Variants in PECAM1 observed in about 807,000 individuals in gnomAD.
PECAM1 encodes platelet endothelial cell adhesion molecule.
In PECAM1, 8 loss-of-function variants were observed where a neutral mutation model predicts 13.8. The observed-to-expected ratio is 0.58, with a 90% CI of 0.34 to 1.05. The LOEUF (loss-of-function observed/expected upper bound fraction) is 1.05, where lower values mean the gene tolerates loss of function less well. Ranked by LOEUF, PECAM1 falls within the 50% of genes least tolerant of loss-of-function variation. The pLI, the probability that PECAM1 is intolerant of heterozygous loss-of-function variation, is 0.03. For synonymous variants in PECAM1, 136 were observed against 52.6 expected (o/e 2.58, Z -6.86); for missense variants, 304 against 141.2 (o/e 2.15, Z -5.84).
At chr17:64,377,786 C>T in intron 3 of PECAM1, 38 bp downstream of exon 3, 1 of 474,590 alleles carries the variant, frequency 2.1e-6, no homozygotes, top group Non-Finnish European at 3.9e-6. Flanking sequence ...GTGTGCTATG[C>T]TCCATCTGCT....
intron 14 of PECAM1, among the ~76,000 whole-genome samples, chr17:64,333,576 G>A (rs2035185474): frequency 6.6e-6 from 1 of 152,032 alleles, no homozygotes; most frequent in South Asian, 2.1e-4. Flanking sequence ...AACCAAAAGT[G>A]TAGTACTTAG....
chr17:64,374,079 C>T (rs2036302627), intron 4 of PECAM1, among the ~76,000 whole-genome samples: 1 of 152,284 alleles, frequency 6.6e-6, no homozygotes, highest in East Asian at 1.9e-4. Context: ...CCCCTCTTTC[C>T]TCCCGATCCC....
At chr17:64,371,173 GT>G (rs1179841173) in intron 4 of PECAM1, among the ~76,000 whole-genome samples, 2 of 152,042 alleles carry the variant, frequency 1.3e-5, no homozygotes, top group African/African-American at 4.8e-5. Flanking sequence ...ACATGGGTGT[GT>G]TTTTTTCCTT....
chr17:64,322,994 A>C lies in PECAM1; in HGVS notation c.*822T>G. 1 of 966,088 alleles carries C rather than the reference A, an allele frequency of 1.0e-6. No individual in the cohort carries two copies. Among genetic ancestry groups the C allele is most frequent in the Non-Finnish European group, 1.2e-6 (1 of 812,150 alleles). 59.8% of individuals were successfully genotyped at this position (966,088 alleles called of 1,614,324 possible). On this transcript the variant is annotated 3_prime_UTR_variant, in exon 16 of 16. Coordinates refer to ENST00000563924, the MANE Select transcript of PECAM1 (RefSeq NM_000442.5). The stretch of plus-strand genomic sequence containing the variant: ...AGTGCTGGGATTACAGGCGTGAGCC[A>C]CCTTGCCTGCCCTGGCAAGGAATAC...
intron 2 of PECAM1, among the ~76,000 whole-genome samples, chr17:64,386,414 A>AG (rs2036595136): frequency 6.6e-6 from 1 of 151,266 alleles, no homozygotes; most frequent in Non-Finnish European, 1.5e-5. Flanking sequence ...AAAAAAAAAA[A>AG]AAAAAGAAAA....
intron 14 of PECAM1, among the ~76,000 whole-genome samples, chr17:64,336,711 A>C (rs2035285341): frequency 6.6e-6 from 1 of 152,114 alleles, no homozygotes; most frequent in Admixed American, 6.5e-5. Context: ...ATGGCGAATT[A>C]GCTGGGCATG....
rs2036204391 is a variant in PECAM1 at position 64,370,000 on chromosome 17, G to A, written c.717C>T (p.His239=). 5.0e-6 allele frequency: 2 copies of A among 398,516 alleles called. No individual in the cohort carries two copies. Among genetic ancestry groups the A allele is most frequent in the Non-Finnish European group, 8.8e-6 (2 of 226,096 alleles). The allele number at this position is 398,516 out of a possible 1,614,324, so 24.7% of individuals were successfully genotyped here. ...CCATGATCATTCCGGTGGGGCTGAT[G>A]TGGAACTTGGGTGTAGAGAAGGATT... ...VTESFSTPKF[H]ISPTGMIMEG... The change falls in exon 5 of 16, where the codon CAC becomes CAT. Residue 239 remains histidine, a synonymous_variant. Transcript: ENST00000563924.
intron 13 of PECAM1, among the ~76,000 whole-genome samples, chr17:64,343,761 C>G (rs1053033815): frequency 6.6e-6 from 1 of 152,212 alleles, no homozygotes; most frequent in Non-Finnish European, 1.5e-5. Flanking sequence ...GGGCACCACA[C>G]TGCTGGGACA....
rs1012744509 is a variant in PECAM1, at chr17:64,357,608, G to A, written c.1493-1210C>T. 4.0e-4 allele frequency among the ~76,000 whole-genome samples: 61 copies of A among 152,260 alleles called. 1 individual carries two copies. In the East Asian group the frequency reaches 0.01, roughly 26 times the overall value. On this transcript the variant is annotated intron_variant, in intron 7 of 15. Transcript: ENST00000563924. ...AGACAATGGAAGAAGCCAAGCTCCG[G>A]GCCTGGGACACCAGTGGGCTCAAAT...
At chr17:64,385,690 A>G (rs1378588955) in intron 2 of PECAM1, among the ~76,000 whole-genome samples, 4 of 152,172 alleles carry the variant, frequency 2.6e-5, no homozygotes, top group African/African-American at 4.8e-5. Context: ...GACTCCAGTG[A>G]TATCAGTAAG....
In PECAM1 at chr17:64,342,888, T is replaced by C. The variant is rs1048675476; in HGVS notation, c.2108-1198A>G. Among the ~76,000 whole-genome samples, 83 of 152,178 alleles carry C rather than the reference T, an allele frequency of 5.5e-4. 1 individual carries two copies. The highest frequency in any genetic ancestry group is 2.0e-3 in the African/African-American group (81 of 41,500). Reference sequence around the variant, plus strand: ...ATACCCTCATACAGTGTGTAGGATGTGTCTACACACATTGTATACACACTG... The same window carrying C: ...ATACCCTCATACAGTGTGTAGGATGCGTCTACACACATTGTATACACACTG... On this transcript the variant is annotated intron_variant, in intron 13 of 15. Transcript: ENST00000563924.
intron 2 of PECAM1, among the ~76,000 whole-genome samples, chr17:64,389,724 C>T (rs2036674660): frequency 6.6e-6 from 1 of 152,214 alleles, no homozygotes; most frequent in South Asian, 2.1e-4. Flanking sequence ...ATCACCTCCC[C>T]ATCCCAAAAA....
intron 7 of PECAM1, 78 bp downstream of exon 7, chr17:64,360,062 C>T (rs2035938347): frequency 2.1e-6 from 1 of 474,682 alleles, no homozygotes; most frequent in Admixed American, 3.2e-5. Flanking sequence ...CCCTACTTCT[C>T]TTATTGTTCC....
chr17:64,331,359 T>A (rs564345355), intron 14 of PECAM1, among the ~76,000 whole-genome samples: 274 of 152,330 alleles, frequency 1.8e-3, no homozygotes, highest in African/African-American at 6.4e-3. Context: ...GTAATTTTTG[T>A]ATTTTTAGTA....
intron 2 of PECAM1, among the ~76,000 whole-genome samples, chr17:64,383,918 G>A (rs1158153069): frequency 6.6e-6 from 1 of 152,094 alleles, no homozygotes; most frequent in African/African-American, 2.4e-5. Flanking sequence ...GATCACCTGA[G>A]GTCAAGAGTT....
chr17:64,376,892 C>A (rs1160249080), intron 3 of PECAM1, among the ~76,000 whole-genome samples: 1 of 152,150 alleles, frequency 6.6e-6, no homozygotes, highest in Non-Finnish European at 1.5e-5. Flanking sequence ...AGGAGAATCG[C>A]TTGAACCCAG....
intron 3 of PECAM1, among the ~76,000 whole-genome samples, chr17:64,375,984 C>CCAA (rs2036348843): frequency 2.6e-5 from 4 of 151,874 alleles, no homozygotes; most frequent in African/African-American, 4.8e-5. Flanking sequence ...GTACAGTGTA[C>CCAA]ACTGCTCGGG....
chr17:64,341,096 C>CA (rs147972145), intron 14 of PECAM1, among the ~76,000 whole-genome samples: 9,843 of 115,960 alleles, frequency 0.085, 1,308 homozygotes, highest in African/African-American at 0.29. Context: ...AACTCTGTCT[C>CA]AAAAAAAAAA....
chr17:64,326,338 G>T (rs62071608), intron 15 of PECAM1, among the ~76,000 whole-genome samples: 4,071 of 152,346 alleles, frequency 0.027, 78 homozygotes, highest in Non-Finnish European at 0.04. Flanking sequence ...TCCTGAGGGT[G>T]AGCTGGGATA....
Sources: gnomAD v4.1 joint callset for allele counts (sites outside exome capture counted in the v4.1 genomes callset) on GRCh38, gnomAD v4.1.1 for gene constraint, MANE v1.5 for transcripts, NCBI Gene and HGNC (gene_info 2026-07-23, HGNC 2026-07-21) for gene names.